CEP44: variants seen among roughly 807,000 people sequenced by gnomAD.
CEP44 encodes centrosomal protein 44, also known as centrosomal protein of 44 kDa.
CEP44 carries 45 observed loss-of-function variants against 46.7 expected under a neutral mutation model. The ratio of observed to expected loss-of-function variants is 0.96; its 90% CI spans 0.76 to 1.24. The LOEUF is 1.24. CEP44 is among the 50% of genes most tolerant of loss of function. The probability of loss-of-function intolerance (pLI) is 0.00; values close to 1 mark genes in which losing one functional copy is unlikely to be tolerated. For missense variants in CEP44, 475 were observed against 459.7 expected (o/e 1.03, Z -0.30); for synonymous variants, 142 against 146.0 (o/e 0.97, Z 0.20).
At chr4:174,295,629 A>C (rs970524511) in intron 1 of CEP44, among the ~76,000 whole-genome samples, 169 of 151,992 alleles carry the variant, frequency 1.1e-3, no homozygotes, top group Non-Finnish European at 1.9e-3. Flanking sequence ...TGGGAGGCCA[A>C]GGCAGGCGGC....
chr4:174,321,043 AC>A (rs1443752283), downstream of CEP44, among the ~76,000 whole-genome samples: 1 of 152,112 alleles, frequency 6.6e-6, no homozygotes, highest in African/African-American at 2.4e-5. Flanking sequence ...GCAAAAAGAT[AC>A]TACACTAGTG....
Position 174,310,814 on chromosome 4 carries a change from G to T in CEP44, c.917G>T (p.Ser306Ile). ...GAATTTATAGAGTTTAATGAAGTTAGTGAAGACTACGCTTCTTGTAGTGAC... is the reference window on the plus strand; with the variant it reads ...GAATTTATAGAGTTTAATGAAGTTATTGAAGACTACGCTTCTTGTAGTGAC... The part of the protein sequence containing the change: ...NDEFIEFNEV[S>I]EDYASCSDMD... The change falls in exon 9 of 12, where the codon AGT becomes ATT. Residue 306 changes from serine (S) to isoleucine (I), a missense_variant. Physicochemically the swap from Ser to Ile is moderately radical, Grantham distance 142. Transcript: ENST00000503780. The surrounding 1 kb of genome is among the most constrained non-coding windows in gnomAD (Gnocchi z 4.2). The T allele has an allele frequency of 6.6e-7, 1 of 1,519,688 alleles. No homozygotes were observed. 94.1% of individuals were successfully genotyped at this position (1,519,688 alleles called of 1,614,324 possible).
At position 174,287,493 on chromosome 4, in the gene CEP44, T is replaced by G. The variant is rs567835606; in HGVS notation, c.-148+3550T>G. Among the ~76,000 whole-genome samples, 6 of 152,212 alleles carry G rather than the reference T, an allele frequency of 3.9e-5. No homozygotes were observed. Among genetic ancestry groups the G allele is most frequent in the South Asian group, 2.1e-4 (1 of 4,826 alleles). On this transcript the variant is annotated intron_variant, in intron 1 of 11. Coordinates refer to ENST00000503780, the MANE Select transcript of CEP44 (RefSeq NM_001040157.3). This position sits in a 1 kb window ranked among gnomAD's most constrained non-coding sequence, Gnocchi z 5.1. Reference sequence around the variant, plus strand: ...CTTGAAGAAATGGCATGTGCAAAGGTGTTGAACAGCTTGAGATATCACCAA... The same window carrying G: ...CTTGAAGAAATGGCATGTGCAAAGGGGTTGAACAGCTTGAGATATCACCAA...
In CEP44 at chr4:174,309,005, A is replaced by G; in HGVS notation, c.678+146A>G. On this transcript the variant is annotated intron_variant, in intron 7 of 11. Coordinates refer to ENST00000503780, the MANE Select transcript of CEP44 (RefSeq NM_001040157.3). The surrounding 1 kb of genome is among the most constrained non-coding windows in gnomAD (Gnocchi z 5.3). The stretch of plus-strand genomic sequence containing the variant: ...TCTATGTTACAATTACTGAAGTGTC[A>G]ATAAGTCTTACTAAAATAATTCAAC... 1 of 756,918 alleles carries G rather than the reference A, an allele frequency of 1.3e-6. No individual in the cohort carries two copies. The highest frequency in any genetic ancestry group is 2.2e-6 in the Non-Finnish European group (1 of 464,956). The allele number at this position is 756,918 out of a possible 1,614,324, so 46.9% of individuals were successfully genotyped here.
rs1281053850 is a variant in CEP44 at position 174,331,796 on chromosome 4, C to A, written c.*201C>A. 1.2e-5 allele frequency: 7 copies of A among 595,928 alleles called. No individual in the cohort carries two copies. The highest frequency in any genetic ancestry group is 1.8e-5 in the Non-Finnish European group (7 of 390,148). 36.9% of individuals were successfully genotyped at this position (595,928 alleles called of 1,614,324 possible). A position where few individuals can be genotyped will look rare whatever the true frequency, so the allele number is the denominator to read the frequency against. On this transcript the variant is annotated 3_prime_UTR_variant, in exon 9 of 9. Coordinates refer to the CEP44 transcript ENST00000426172. The surrounding 1 kb of genome is among the most constrained non-coding windows in gnomAD (Gnocchi z 4.5). ...TAGTTGTTTGTCTAATTTCTATTTT[C>A]CAGAAATTTCTCAAAATGTCTGCTG...
chr4:174,316,619 T>G, intron 11 of CEP44, 52 bp downstream of exon 11: 1 of 1,485,580 alleles, frequency 6.7e-7, no homozygotes, highest in Non-Finnish European at 9.2e-7. Context: ...GGGAATTGTA[T>G]TGGATTACAG....
chr4:174,316,421 A>G, intron 10 of CEP44, 109 bp from the exon 11 acceptor site: 1 of 1,345,836 alleles, frequency 7.4e-7, no homozygotes, highest in Non-Finnish European at 1.1e-6. Flanking sequence ...TTCATAAGTA[A>G]ACAGTACTTA....
chr4:174,330,303 A>G (rs1240056036), intron 8 of CEP44, among the ~76,000 whole-genome samples: 2 of 152,146 alleles, frequency 1.3e-5, no homozygotes, highest in African/African-American at 4.8e-5. Flanking sequence ...AGCCTGGCCA[A>G]CATGGCGAAA....
At position 174,309,065 on chromosome 4, in the gene CEP44, A is replaced by G. The variant is rs778564180; in HGVS notation, c.678+206A>G. Among the ~76,000 whole-genome samples the G allele has an allele frequency of 6.6e-6, 1 of 152,112 alleles. No individual in the cohort carries two copies. The highest frequency in any genetic ancestry group is 1.5e-5 in the Non-Finnish European group (1 of 67,978). ...CTGCATATGTGTAGGGTGCTGGGCT[A>G]AGTGTTGGGGTGATGCAAAGTAGAA... is the stretch of plus-strand genomic sequence containing the variant. On this transcript the variant is annotated intron_variant, in intron 7 of 11. Transcript: ENST00000503780. The surrounding 1 kb of genome is among the most constrained non-coding windows in gnomAD (Gnocchi z 5.3).
Position 174,319,111 on chromosome 4 carries a change from T to A in CEP44, c.*1728T>A. The A allele has an allele frequency of 1.0e-6, 1 of 984,274 alleles. No individual in the cohort carries two copies. The highest frequency in any genetic ancestry group is 1.2e-6 in the Non-Finnish European group (1 of 828,868). The allele number at this position is 984,274 out of a possible 1,614,324, so 61.0% of individuals were successfully genotyped here. ...GGGTGAGTCACCATGCTTGGCCACA[T>A]TTTTAGTATTCTAATAAACAGTTGG... On this transcript the variant is annotated 3_prime_UTR_variant, in exon 12 of 12. Transcript: ENST00000503780.
chr4:174,314,641 C>A lies in CEP44; in HGVS notation c.962-1525C>A, dbSNP rs1439961522. Among the ~76,000 whole-genome samples the A allele has an allele frequency of 6.6e-6, 1 of 152,154 alleles. No homozygotes were observed. Among genetic ancestry groups the A allele is most frequent in the South Asian group, 2.1e-4 (1 of 4,832 alleles). ...CGGACCTGTTTCCTTTTCCTAGGGC[C>A]CCCTCCTCTTTTTGGAAAGATGTCC... On this transcript the variant is annotated intron_variant, in intron 9 of 11. Coordinates refer to ENST00000503780, the MANE Select transcript of CEP44 (RefSeq NM_001040157.3). The surrounding 1 kb of genome is among the most constrained non-coding windows in gnomAD (Gnocchi z 4.1).
Position 174,317,494 on chromosome 4 carries a change from T to A in CEP44, c.*111T>A. On this transcript the variant is annotated 3_prime_UTR_variant, in exon 12 of 12. Transcript: ENST00000503780. ...TGCAATACTGCAGTTTTTGACAATTTGGATTCCATTTGGTATATGAATTTT... is the reference window on the plus strand; with the variant it reads ...TGCAATACTGCAGTTTTTGACAATTAGGATTCCATTTGGTATATGAATTTT... The A allele has an allele frequency of 8.1e-7, 1 of 1,234,726 alleles. No homozygotes were observed. Among genetic ancestry groups the A allele is most frequent in the Non-Finnish European group, 1.0e-6 (1 of 972,328 alleles). 76.5% of individuals were successfully genotyped at this position (1,234,726 alleles called of 1,614,324 possible).
At position 174,299,181 on chromosome 4, in the gene CEP44, A is replaced by T; in HGVS notation, c.60A>T (p.Leu20=). The change falls in exon 3 of 12, where the codon CTA becomes CTT. Residue 20 remains leucine (L), a synonymous_variant. Coordinates refer to ENST00000503780, the MANE Select transcript of CEP44 (RefSeq NM_001040157.3). ...ACCTAGAACAGGTGCTCCGCTTGCT[A>T]AATTATCCTGAAGAGGTGGACTGTG... The part of the protein sequence containing the change: ...LRNLEQVLRL[L]NYPEEVDCVG... The T allele has an allele frequency of 6.2e-7, 1 of 1,613,766 alleles. No individual in the cohort carries two copies. Among genetic ancestry groups the T allele is most frequent in the Non-Finnish European group, 8.5e-7 (1 of 1,179,726 alleles).
In CEP44 at chr4:174,317,361, A is replaced by C; in HGVS notation, c.1151A>C (p.Lys384Thr). 1 of 1,419,080 alleles carries C rather than the reference A, an allele frequency of 7.0e-7. No homozygotes were observed. Among genetic ancestry groups the C allele is most frequent in the Non-Finnish European group, 9.4e-7 (1 of 1,063,730 alleles). 87.9% of individuals were successfully genotyped at this position (1,419,080 alleles called of 1,614,324 possible). A position where few individuals can be genotyped will look rare whatever the true frequency, so the allele number is the denominator to read the frequency against. ...TTTGAAGAAACTGCAGAGTTACTGA[A>C]ATGTCCAAATCACTACTTGTAGGAT... The part of the protein sequence containing the change: ...KMFEETAELL[K>T]CPNHYL The change falls in exon 12 of 12, where the codon AAA becomes ACA. Residue 384 changes from lysine (K) to threonine (T), a missense_variant. By Grantham distance (78) the Lys-to-Thr change is moderately conservative (BLOSUM62 -1). Transcript: ENST00000503780.
Position 174,302,177 on chromosome 4 carries a change from T to C in CEP44, c.228T>C (p.Ala76=). ...IAKNDLRFID[A]VYKLLRDQFN... is the part of the protein sequence containing the mutation. Reference sequence around the variant, plus strand: ...AAAATGACTTGCGCTTTATAGATGCTGTCTATAAGGTATTTTGAGTTTATC... The same window carrying C: ...AAAATGACTTGCGCTTTATAGATGCCGTCTATAAGGTATTTTGAGTTTATC... Residue 76 remains alanine (A), a synonymous_variant, in exon 4 of 12, where the codon GCT becomes GCC. Coordinates refer to ENST00000503780, the MANE Select transcript of CEP44 (RefSeq NM_001040157.3). The C allele has an allele frequency of 6.3e-7, 1 of 1,586,658 alleles. No homozygotes were observed. Among genetic ancestry groups the C allele is most frequent in the African/African-American group, 1.3e-5 (1 of 74,266 alleles).
chr4:174,300,177 C>T (rs1025147932), intron 3 of CEP44, among the ~76,000 whole-genome samples: 1 of 151,994 alleles, frequency 6.6e-6, no homozygotes, highest in African/African-American at 2.4e-5. Context: ...GAATGGATAT[C>T]CATATAAGAA....
chr4:174,308,789 T>A lies in CEP44; in HGVS notation c.608T>A (p.Val203Glu). The A allele has an allele frequency of 6.2e-7, 1 of 1,613,350 alleles. No homozygotes were observed. The highest frequency in any genetic ancestry group is 8.5e-7 in the Non-Finnish European group (1 of 1,179,434). Residue 203 changes from valine (V) to glutamate (E), a missense_variant, in exon 7 of 12, where the codon GTG becomes GAG. By Grantham distance (121) the Val-to-Glu change is moderately radical. Transcript: ENST00000503780. ...PITDVNEAVDVSDLNATEIKM... is the reference protein window; with the variant it reads ...PITDVNEAVDESDLNATEIKM... ...ACAGATGTTAATGAAGCAGTTGATG[T>A]GTCTGACTTAAATGCTACTGAAATA...
rs1208897926 is a variant in CEP44 at position 174,314,045 on chromosome 4, G to A, written c.962-2121G>A. On this transcript the variant is annotated intron_variant, in intron 9 of 11. Transcript: ENST00000503780. This position sits in a 1 kb window ranked among gnomAD's most constrained non-coding sequence, Gnocchi z 4.1. ...GTAAAGGACCCTACTGATTCCCTTC[G>A]TGGAATAAGGTGATAAGCCTCCAAA... Among the ~76,000 whole-genome samples the A allele has an allele frequency of 6.6e-6, 1 of 152,136 alleles. No individual in the cohort carries two copies. Among genetic ancestry groups the A allele is most frequent in the African/African-American group, 2.4e-5 (1 of 41,434 alleles).
At chr4:174,320,399 T>A (rs1426789715), downstream of CEP44, 1 of 777,238 alleles carries the variant, frequency 1.3e-6, no homozygotes, top group Non-Finnish European at 1.5e-6. Context: ...AGCATAAAAA[T>A]TAATATAACC....
Sources: allele counts gnomAD v4.1 joint callset (sites outside exome capture counted in the v4.1 genomes callset), GRCh38; gene constraint gnomAD v4.1.1; non-coding constraint Gnocchi (gnomAD v3.1); transcripts MANE v1.5; gene names NCBI Gene and HGNC (gene_info 2026-07-23, HGNC 2026-07-21).